Variants in RNF38 observed in about 807,000 individuals in gnomAD.
RNF38 encodes E3 ubiquitin-protein ligase RNF38.
RNF38 carries 15 observed loss-of-function variants against 67.2 expected under a neutral mutation model. The observed-to-expected ratio is 0.22, with a 90% CI of 0.15 to 0.34. RNF38 has a LOEUF of 0.34. RNF38 is among the 10% of genes least tolerant of loss of function. The pLI, the probability that RNF38 is intolerant of heterozygous loss-of-function variation, is 1.00. For missense variants in RNF38, 524 were observed against 639.9 expected (o/e 0.82, Z 1.95); for synonymous variants, 220 against 218.8 (o/e 1.01, Z -0.05).
At chr9:36,396,928 C>T (rs1177559902) in intron 1 of RNF38, among the ~76,000 whole-genome samples, 2 of 151,362 alleles carry the variant, frequency 1.3e-5, no homozygotes, top group African/African-American at 2.4e-5. Flanking sequence ...AGTTCTCATA[C>T]ACAAATGACA....
At chr9:36,438,493 C>T (rs1003673201) in intron 1 of RNF38, among the ~76,000 whole-genome samples, 23 of 151,770 alleles carry the variant, frequency 1.5e-4, no homozygotes, top group African/African-American at 5.3e-4. Context: ...CTTCTTCTTC[C>T]AATGTGGCCC....
upstream of RNF38, chr9:36,400,631 G>A (rs987584654): frequency 6.3e-5 from 62 of 985,582 alleles, no homozygotes; most frequent in African/African-American, 1.0e-4. Flanking sequence ...GTGACTGCTC[G>A]CCCAGCCCGC....
intron 3 of RNF38, among the ~76,000 whole-genome samples, chr9:36,373,753 G>A (rs1359881473): frequency 2.0e-5 from 3 of 152,040 alleles, no homozygotes; most frequent in South Asian, 2.1e-4. Flanking sequence ...GGGATTACAC[G>A]TTGTCAGCCA....
intron 1 of RNF38, among the ~76,000 whole-genome samples, chr9:36,428,397 A>T (rs1448698176): frequency 6.6e-6 from 1 of 151,170 alleles, no homozygotes; most frequent in Non-Finnish European, 1.5e-5. Flanking sequence ...TGGGCAACAG[A>T]GCAAGACCCT....
chr9:36,350,758 G>A (rs1833635287), intron 9 of RNF38, among the ~76,000 whole-genome samples: 1 of 152,160 alleles, frequency 6.6e-6, no homozygotes, highest in African/African-American at 2.4e-5. Context: ...CCTTAAACAT[G>A]TTAAAACATT....
intron 2 of RNF38, among the ~76,000 whole-genome samples, chr9:36,387,005 G>A (rs2133978022): frequency 6.6e-6 from 1 of 152,280 alleles, no homozygotes; most frequent in East Asian, 1.9e-4. Context: ...GTTTCCCCAT[G>A]TTGGCCAGGC....
chr9:36,391,652 G>A (rs796109728), intron 1 of RNF38, among the ~76,000 whole-genome samples: 19 of 136,100 alleles, frequency 1.4e-4, no homozygotes, highest in African/African-American at 5.0e-4. Flanking sequence ...TCTCGCTGTC[G>A]CCCAGGCTGG....
upstream of RNF38, chr9:36,487,643 TGGCGGCGACGGA>T (rs1302376020): frequency 1.1e-6 from 1 of 907,518 alleles, no homozygotes; most frequent in Non-Finnish European, 1.3e-6. Context: ...GCAGCAGCGG[TGGCGGCGACGGA>T]GGCGGCTCCC....
chr9:36,467,012 C>G lies in RNF38; in HGVS notation n.241+20296G>C, dbSNP rs192513095. ...TGGTCAACATGGCGAAACCCCGTCT[C>G]TACTAAAAATACAAAAATTAGCCAG... On this transcript the variant is annotated intron_variant and non_coding_transcript_variant, in intron 1 of 3. Transcript: ENST00000488058. 3.4e-5 allele frequency among the ~76,000 whole-genome samples: 5 copies of G among 145,782 alleles called. No homozygotes were observed. In the Admixed American group the frequency reaches 3.5e-4, roughly 10 times the overall value.
intron 1 of RNF38, among the ~76,000 whole-genome samples, chr9:36,486,645 G>T (rs540684870): frequency 3.9e-4 from 60 of 152,082 alleles, no homozygotes; most frequent in African/African-American, 1.3e-3. Flanking sequence ...GAGACCAAAC[G>T]GTCCCCACGA....
intron 1 of RNF38, among the ~76,000 whole-genome samples, chr9:36,455,973 T>C (rs1197863864): frequency 6.6e-6 from 1 of 151,946 alleles, no homozygotes; most frequent in Non-Finnish European, 1.5e-5. Flanking sequence ...CAAACTGCCA[T>C]TTAACCAAAT....
intron 3 of RNF38, chr9:36,372,614 G>C (rs755985237): frequency 8.7e-6 from 6 of 693,316 alleles, no homozygotes; most frequent in Non-Finnish European, 1.3e-5. Flanking sequence ...TAGTAAACAA[G>C]AACAGAATAC....
In RNF38 at chr9:36,411,966, T is replaced by C. The variant is rs1838337654; in HGVS notation, n.312+12647A>G. Among the ~76,000 whole-genome samples the C allele has an allele frequency of 2.0e-5, 3 of 152,084 alleles. No individual in the cohort carries two copies. In the South Asian group the frequency reaches 6.2e-4, roughly 32 times the overall value. On this transcript the variant is annotated intron_variant and non_coding_transcript_variant, in intron 2 of 3. Transcript: ENST00000488058. Reference sequence around the variant, plus strand: ...GGACCTGCTAACTGAAATAAGCCAGTTACAAAAAGAAAAACAGTGTATGAT... The same window carrying C: ...GGACCTGCTAACTGAAATAAGCCAGCTACAAAAAGAAAAACAGTGTATGAT...
chr9:36,410,838 A>G (rs1399427246), intron 2 of RNF38, among the ~76,000 whole-genome samples: 2 of 152,222 alleles, frequency 1.3e-5, no homozygotes, highest in Admixed American at 6.5e-5. Context: ...GGAGTCTGAA[A>G]GTAGTCTAGG....
chr9:36,449,799 G>C (rs1839394085), intron 1 of RNF38, among the ~76,000 whole-genome samples: 1 of 152,170 alleles, frequency 6.6e-6, no homozygotes, highest in African/African-American at 2.4e-5. Flanking sequence ...AGCAGAAGCA[G>C]GGGAAGTTGC....
At chr9:36,481,755 A>T (rs1433832335) in intron 1 of RNF38, among the ~76,000 whole-genome samples, 1 of 152,204 alleles carries the variant, frequency 6.6e-6, no homozygotes, top group Non-Finnish European at 1.5e-5. Flanking sequence ...CATTATTTCC[A>T]AAAGCAGTAG....
chr9:36,372,978 G>T (rs999959677), intron 3 of RNF38, among the ~76,000 whole-genome samples: 4 of 152,186 alleles, frequency 2.6e-5, no homozygotes, highest in Admixed American at 1.3e-4. Context: ...GGCCGAGGTG[G>T]ATGGATCACC....
intron 1 of RNF38, among the ~76,000 whole-genome samples, chr9:36,464,290 C>T (rs184938694): frequency 9.2e-5 from 14 of 151,936 alleles, no homozygotes; most frequent in Admixed American, 7.9e-4. Flanking sequence ...ATATTTAGGC[C>T]GGGCGCAGTG....
At chr9:36,393,523 G>GTGTGTGTGT (rs1554689616) in intron 1 of RNF38, among the ~76,000 whole-genome samples, 18 of 83,558 alleles carry the variant, frequency 2.2e-4, no homozygotes, top group Non-Finnish European at 4.2e-4. Context: ...GTGTGTGTGT[G>GTGTGTGTGT]GGGCAGGCAG....
Sources: allele counts gnomAD v4.1 joint callset (sites outside exome capture counted in the v4.1 genomes callset), GRCh38; gene constraint gnomAD v4.1.1; transcripts MANE v1.5; gene names NCBI Gene and HGNC (gene_info 2026-07-23, HGNC 2026-07-21).